SLC25A18: variants seen among roughly 807,000 people sequenced by gnomAD.
SLC25A18 encodes solute carrier family 25 member 18.
In SLC25A18, 24 loss-of-function variants were observed where a neutral mutation model predicts 31.1. That is an observed-to-expected ratio of 0.77 (90% CI 0.56 to 1.08). The LOEUF is 1.08. Among genes scored for constraint, SLC25A18 ranks in the 50% least tolerant of loss-of-function variants. The pLI is 0.00. For missense variants in SLC25A18, 371 were observed against 418.5 expected, an observed-to-expected ratio of 0.89 and a Z score of 0.99; for synonymous variants, 173 against 161.9, an observed-to-expected ratio of 1.07 and a Z score of -0.52.
At position 17,584,915 on chromosome 22, in the gene SLC25A18, C is replaced by T. The variant is rs910700669; in HGVS notation, c.409+1381C>T. Among the ~76,000 whole-genome samples the T allele has an allele frequency of 2.7e-5, 4 of 150,500 alleles. No individual in the cohort carries two copies. In the Admixed American group the frequency reaches 2.7e-4, roughly 10 times the overall value. On this transcript the variant is annotated intron_variant, in intron 7 of 10. Transcript: ENST00000327451. ...AAGGGAGAAGAGAATCATTCCCATT[C>T]TTTTGTTTTTTTCTTGGAAGAGAAA...
At chr22:17,566,896 C>G (rs980071559) in intron 1 of SLC25A18, among the ~76,000 whole-genome samples, 1 of 152,194 alleles carries the variant, frequency 6.6e-6, no homozygotes, top group African/African-American at 2.4e-5. Flanking sequence ...CGTGATGGCT[C>G]ACACCTGTAA....
At chr22:17,588,598 C>T in intron 9 of SLC25A18, 1 of 157,898 alleles carries the variant, frequency 6.3e-6, no homozygotes, top group Non-Finnish European at 1.4e-5. Flanking sequence ...TGCAGTGAGC[C>T]AAGACCACAC....
At chr22:17,576,359 A>G (rs2057229416) in intron 2 of SLC25A18, among the ~76,000 whole-genome samples, 1 of 152,124 alleles carries the variant, frequency 6.6e-6, no homozygotes, top group Non-Finnish European at 1.5e-5. Flanking sequence ...GTCTCAAAAA[A>G]AAAAAGAAAA....
intron 1 of SLC25A18, among the ~76,000 whole-genome samples, chr22:17,564,787 A>G (rs949619090): frequency 6.8e-6 from 1 of 147,202 alleles, no homozygotes; most frequent in Admixed American, 6.8e-5. Flanking sequence ...AACCTGGGAG[A>G]TGGACGTTGT....
At chr22:17,579,452 C>T (rs1292356181) in intron 2 of SLC25A18, among the ~76,000 whole-genome samples, 4 of 152,156 alleles carry the variant, frequency 2.6e-5, no homozygotes, top group Non-Finnish European at 4.4e-5. Flanking sequence ...AGCAACTCCT[C>T]TTAAAATCCT....
At chr22:17,580,461 T>G (rs2146246216) in intron 3 of SLC25A18, 17 of 915,544 alleles carry the variant, frequency 1.9e-5, no homozygotes, top group Non-Finnish European at 2.0e-5. Context: ...GCTTTACTTT[T>G]GGCTGGAACT....
chr22:17,590,365 T>G lies in SLC25A18; in HGVS notation c.*129T>G. 2 of 1,118,906 alleles carry G rather than the reference T, an allele frequency of 1.8e-6. No homozygotes were observed. Among genetic ancestry groups the G allele is most frequent in the Non-Finnish European group, 2.5e-6 (2 of 785,770 alleles). 69.3% of individuals were successfully genotyped at this position (1,118,906 alleles called of 1,614,324 possible). On this transcript the variant is annotated 3_prime_UTR_variant, in exon 11 of 11. Transcript: ENST00000327451. ...CCTCTGCGTTGTAGTGCTACCTCAATCTCGGGAGAAACAGCCCTATATTCT... is the reference window on the plus strand; with the variant it reads ...CCTCTGCGTTGTAGTGCTACCTCAAGCTCGGGAGAAACAGCCCTATATTCT...
At chr22:17,583,216 C>A (rs116253601) in intron 6 of SLC25A18, among the ~76,000 whole-genome samples, 200 bp from the exon 7 acceptor site, 2 of 152,212 alleles carry the variant, frequency 1.3e-5, no homozygotes, top group Non-Finnish European at 2.9e-5. Context: ...TGCGGTGCTA[C>A]CTCCCTAGCA....
intron 1 of SLC25A18, among the ~76,000 whole-genome samples, chr22:17,566,377 A>G (rs2056937243): frequency 6.7e-6 from 1 of 149,818 alleles, no homozygotes; most frequent in African/African-American, 2.5e-5. Flanking sequence ...CACAGAAACC[A>G]TTCACATCTC....
intron 1 of SLC25A18, among the ~76,000 whole-genome samples, chr22:17,566,693 C>T (rs1349799146): frequency 6.6e-6 from 1 of 152,062 alleles, no homozygotes; most frequent in East Asian, 1.9e-4. Context: ...ATTACAGGCC[C>T]GAGCCACCGT....
chr22:17,585,617 T>TTTA (rs754251235), intron 7 of SLC25A18, among the ~76,000 whole-genome samples: 1 of 149,216 alleles, frequency 6.7e-6, no homozygotes, highest in South Asian at 2.1e-4. Context: ...AACATTTTAT[T>TTTA]TTATTATTAT....
intron 2 of SLC25A18, among the ~76,000 whole-genome samples, chr22:17,577,569 T>C (rs1352042980): frequency 6.8e-6 from 1 of 147,280 alleles, no homozygotes; most frequent in Non-Finnish European, 1.5e-5. Flanking sequence ...GAAACAGTTG[T>C]GTCCTGTCTA....
chr22:17,584,118 G>C (rs2057454359), intron 7 of SLC25A18: 3 of 984,318 alleles, frequency 3.0e-6, no homozygotes, highest in African/African-American at 1.7e-5. Context: ...TGCCAGCTGG[G>C]TGCCGTGGCT....
chr22:17,585,551 GA>G (rs2057518564), intron 7 of SLC25A18, among the ~76,000 whole-genome samples: 2 of 152,080 alleles, frequency 1.3e-5, no homozygotes, highest in South Asian at 4.2e-4. Context: ...TGAGATTTAG[GA>G]AAAGAAATAC....
At chr22:17,580,430 G>A in intron 3 of SLC25A18, 1 of 607,990 alleles carries the variant, frequency 1.6e-6, no homozygotes, top group Non-Finnish European at 2.1e-6. Flanking sequence ...CAGGGTGGGG[G>A]GCCATGTTAT....
chr22:17,584,781 CA>C (rs66948770), intron 7 of SLC25A18, among the ~76,000 whole-genome samples: 739 of 20,024 alleles, frequency 0.037, no homozygotes, highest in African/African-American at 0.084. Context: ...GAATTCATCT[CA>C]AAAAAAAAAA....
At position 17,590,318 on chromosome 22, in the gene SLC25A18, G is replaced by A; in HGVS notation, c.*82G>A. 2.5e-6 allele frequency: 4 copies of A among 1,569,736 alleles called. No individual in the cohort carries two copies. The highest frequency in any genetic ancestry group is 3.5e-6 in the Non-Finnish European group (4 of 1,150,048). ...AGCCTAGAGGGGGCAAGGGCAGGTG[G>A]GGCCACTCTGGCCTGCCTGGTCCTC... On this transcript the variant is annotated 3_prime_UTR_variant, in exon 11 of 11. Transcript: ENST00000327451.
intron 2 of SLC25A18, among the ~76,000 whole-genome samples, chr22:17,576,821 T>A (rs866935015): frequency 5.2e-4 from 79 of 152,322 alleles, no homozygotes; most frequent in African/African-American, 1.7e-3. Flanking sequence ...TCACATCTGT[T>A]AGCTATGCTA....
intron 2 of SLC25A18, among the ~76,000 whole-genome samples, chr22:17,577,858 G>T (rs184465314): frequency 6.6e-6 from 1 of 151,714 alleles, no homozygotes; most frequent in Admixed American, 6.6e-5. Context: ...TATATTTTTA[G>T]TAGAGACGGG....
Sources: allele counts gnomAD v4.1 joint callset (sites outside exome capture counted in the v4.1 genomes callset), GRCh38; gene constraint gnomAD v4.1.1; transcripts MANE v1.5; gene names NCBI Gene and HGNC (gene_info 2026-07-23, HGNC 2026-07-21).